Variants in ZBTB1 observed in about 807,000 individuals in gnomAD.
The protein encoded by ZBTB1 is zinc finger and BTB domain-containing protein 1.
Under a neutral mutation model 51.6 loss-of-function variants are expected in ZBTB1, and 13 were observed. That is an observed-to-expected ratio of 0.25 (90% confidence interval 0.16 to 0.40). ZBTB1 has a LOEUF of 0.40. Ranked by LOEUF, ZBTB1 falls within the 10% of genes least tolerant of loss-of-function variation. ZBTB1 has a pLI of 1.00. For missense variants in ZBTB1, 567 were observed against 856.5 expected, an observed-to-expected ratio of 0.66 and a Z score of 4.22; for synonymous variants, 240 against 282.2, an observed-to-expected ratio of 0.85 and a Z score of 1.50.
chr14:64,523,145 T>C lies in ZBTB1; in HGVS notation c.1641T>C (p.Asn547=). 1.2e-6 allele frequency: 2 copies of C among 1,614,190 alleles called. No homozygotes were observed. The highest frequency in any genetic ancestry group is 1.7e-6 in the Non-Finnish European group (2 of 1,180,028). Residue 547 remains asparagine (N), a synonymous_variant, in exon 2 of 2, where the codon AAT becomes AAC. Transcript: ENST00000683701. The surrounding 1 kb of genome is among the most constrained non-coding windows in gnomAD (Gnocchi z 4.5). ...PNCGQRFETE[N]LVVEHMSSCL... ...GTGGCCAGCGTTTTGAAACTGAAAATCTAGTGGTTGAACATATGTCTAGCT... is the reference window on the plus strand; with the variant it reads ...GTGGCCAGCGTTTTGAAACTGAAAACCTAGTGGTTGAACATATGTCTAGCT...
Position 64,523,201 on chromosome 14 carries a change from T to G in ZBTB1, c.1697T>G (p.Ile566Ser). The G allele has an allele frequency of 6.2e-7, 1 of 1,614,186 alleles. No homozygotes were observed. Among genetic ancestry groups the G allele is most frequent in the South Asian group, 1.1e-5 (1 of 91,080 alleles). ...CLDQDMFKSAIMEENERDHRR... is the reference protein window; with the variant it reads ...CLDQDMFKSASMEENERDHRR... ...GATCAAGATATGTTTAAGAGTGCCA[T>G]CATGGAAGAAAATGAAAGAGATCAC... is the stretch of plus-strand genomic sequence containing the variant. The change falls in exon 2 of 2, where the codon ATC becomes AGC. Residue 566 changes from isoleucine to serine, a missense_variant. This residue lies in a region of ZBTB1 where 329 missense variants were observed against 406.3 expected (regional missense o/e 0.81). Coordinates refer to ENST00000683701, the MANE Select transcript of ZBTB1 (RefSeq NM_001123329.2). This position sits in a 1 kb window ranked among gnomAD's most constrained non-coding sequence, Gnocchi z 4.5.
intron 1 of ZBTB1, among the ~76,000 whole-genome samples, chr14:64,509,017 TGTATAGGCTGTTTTGGCAGCACAGAAGAG>T (rs1323105077): frequency 6.6e-6 from 1 of 152,194 alleles, no homozygotes; most frequent in East Asian, 1.9e-4. Flanking sequence ...TATTGTTGTA[TGTATAGGCTGTTTTGGCAGCACAGAAGAG>T]GCATCTGCCT....
upstream of ZBTB1, chr14:64,504,159 C>G (rs1380295199): frequency 6.5e-6 from 1 of 152,710 alleles, no homozygotes; most frequent in Non-Finnish European, 1.5e-5. Flanking sequence ...GCCAGGGAGG[C>G]CGAGCCGCGG....
At chr14:64,520,437 C>T (rs1206571474) in intron 1 of ZBTB1, among the ~76,000 whole-genome samples, 1 of 152,172 alleles carries the variant, frequency 6.6e-6, no homozygotes, top group Non-Finnish European at 1.5e-5. Flanking sequence ...GCATCAGTCT[C>T]CCGAGTAGTT....
rs1034834331 is a variant in ZBTB1, at chr14:64,522,672, C to T, written c.1168C>T (p.Pro390Ser). 12 of 1,613,982 alleles carry T rather than the reference C, an allele frequency of 7.4e-6. No individual in the cohort carries two copies. The highest frequency in any genetic ancestry group is 1.7e-5 in the Admixed American group (1 of 60,000). Residue 390 changes from proline (P) to serine (S), a missense_variant, in exon 2 of 2, where the codon CCT (proline) becomes TCT (serine). This residue lies in a region of ZBTB1 where 329 missense variants were observed against 406.3 expected (regional missense o/e 0.81). Coordinates refer to ENST00000683701, the MANE Select transcript of ZBTB1 (RefSeq NM_001123329.2). ...AAAAAGTGGTAGGAAAACTCTAAAA[C>T]CTCGAATGTCAGTAAGTGCTGATGA... Reference protein sequence around the residue: ...IKKSGRKTLKPRMSVSADERG... With the variant: ...IKKSGRKTLKSRMSVSADERG...
chr14:64,524,209 C>A lies in ZBTB1; in HGVS notation c.*563C>A. 9 of 985,142 alleles carry A rather than the reference C, an allele frequency of 9.1e-6. No individual in the cohort carries two copies. Among genetic ancestry groups the A allele is most frequent in the Non-Finnish European group, 1.1e-5 (9 of 829,810 alleles). 61.0% of individuals were successfully genotyped at this position (985,142 alleles called of 1,614,324 possible). A position where few individuals can be genotyped will look rare whatever the true frequency, so the allele number is the denominator to read the frequency against. On this transcript the variant is annotated 3_prime_UTR_variant, in exon 2 of 2. Transcript: ENST00000683701. ...ATCTAACCTTTAAGGTTGACATGGG[C>A]TCAAACTTGGCCTAAAAAGATTGAT...
chr14:64,532,125 G>A, exon 3 of ZBTB1: 1 of 442,212 alleles, frequency 2.3e-6, no homozygotes, highest in Non-Finnish European at 4.0e-6. Context: ...TCTAATATTT[G>A]TGTAAATCTG....
intron 1 of ZBTB1, chr14:64,516,505 A>G (rs1212340176): frequency 1.3e-5 from 2 of 152,276 alleles, no homozygotes; most frequent in Non-Finnish European, 1.5e-5. Context: ...TTCAGCTTCC[A>G]GCTCTATAGG....
chr14:64,525,770 T>C (rs879774779), downstream of ZBTB1, among the ~76,000 whole-genome samples: 1 of 152,216 alleles, frequency 6.6e-6, no homozygotes, highest in Non-Finnish European at 1.5e-5. Context: ...TTTACATGAC[T>C]GAGATGTTTA....
chr14:64,517,781 A>ATATATATATATTTTTTTTTTT (rs1160337478), intron 1 of ZBTB1, among the ~76,000 whole-genome samples: 2 of 41,552 alleles, frequency 4.8e-5, no homozygotes, highest in Non-Finnish European at 9.2e-5. Context: ...ATATATATAT[A>ATATATATATATTTTTTTTTTT]TTTTTTTTTT....
chr14:64,517,782 T>TATATATATATATATATATATATA (rs1491377695), intron 1 of ZBTB1, among the ~76,000 whole-genome samples: 5 of 34,806 alleles, frequency 1.4e-4, no homozygotes, highest in Admixed American at 4.1e-4. Context: ...TATATATATA[T>TATATATATATATATATATATATA]TTTTTTTTTT....
intron 1 of ZBTB1, among the ~76,000 whole-genome samples, chr14:64,517,781 A>ATATATATATTTTTTT (rs1160337478): frequency 3.4e-4 from 14 of 41,556 alleles, no homozygotes; most frequent in Non-Finnish European, 4.6e-4. Context: ...ATATATATAT[A>ATATATATATTTTTTT]TTTTTTTTTT....
intron 1 of ZBTB1, chr14:64,511,290 A>G (rs774913348): frequency 6.6e-6 from 1 of 152,154 alleles, no homozygotes; most frequent in Admixed American, 6.5e-5. Flanking sequence ...TCTCGTTAGG[A>G]TGAATGGATT....
At position 64,521,875 on chromosome 14, in the gene ZBTB1, C is replaced by T; in HGVS notation, c.371C>T (p.Ser124Leu). The T allele has an allele frequency of 6.2e-7, 1 of 1,613,470 alleles. No homozygotes were observed. Among genetic ancestry groups the T allele is most frequent in the Non-Finnish European group, 8.5e-7 (1 of 1,180,044 alleles). Residue 124 changes from serine (S) to leucine (L), a missense_variant, in exon 2 of 2, where the codon TCA becomes TTA. Ser to Leu is a moderately radical substitution (Grantham distance 145). This residue lies in a region of ZBTB1 where 74 missense variants were observed against 74.9 expected (regional missense o/e 0.99). Transcript: ENST00000683701. ...EDIQDADCSS[S>L]KCSSSASSKQ... ...ATCCAGGATGCAGATTGTTCTAGTTCAAAATGTTCCTCTTCTGCTTCCAGC... is the reference window on the plus strand; with the variant it reads ...ATCCAGGATGCAGATTGTTCTAGTTTAAAATGTTCCTCTTCTGCTTCCAGC...
At chr14:64,519,588 A>G (rs1596696515) in intron 1 of ZBTB1, among the ~76,000 whole-genome samples, 1 of 150,292 alleles carries the variant, frequency 6.7e-6, no homozygotes, top group East Asian at 2.0e-4. Context: ...ACATAGCAAG[A>G]CCTTGTCTTT....
chr14:64,506,227 T>G (rs1416137557), intron 1 of ZBTB1, among the ~76,000 whole-genome samples: 1 of 152,002 alleles, frequency 6.6e-6, no homozygotes, highest in African/African-American at 2.4e-5. Flanking sequence ...AGGGGGTTCC[T>G]CCTCTTAAAG....
At chr14:64,515,687 AT>A (rs1165533754) in intron 1 of ZBTB1, among the ~76,000 whole-genome samples, 1 of 151,782 alleles carries the variant, frequency 6.6e-6, no homozygotes, top group Non-Finnish European at 1.5e-5. Flanking sequence ...CGCCCGGCTA[AT>A]TTTTTGTATT....
intron 1 of ZBTB1, among the ~76,000 whole-genome samples, chr14:64,518,986 C>T (rs2079828876): frequency 7.0e-6 from 1 of 142,222 alleles, no homozygotes; most frequent in Non-Finnish European, 1.5e-5. Context: ...AACTATGTGC[C>T]TGGCATCTCA....
intron 1 of ZBTB1, among the ~76,000 whole-genome samples, chr14:64,521,121 C>T (rs549263949): frequency 1.3e-5 from 2 of 152,304 alleles, no homozygotes; most frequent in Admixed American, 1.3e-4. Context: ...CCTCGGTCTC[C>T]CAAAGTGTTA....
Sources: allele counts gnomAD v4.1 joint callset (sites outside exome capture counted in the v4.1 genomes callset), GRCh38; gene constraint gnomAD v4.1.1; regional missense constraint gnomAD v4.1.1; non-coding constraint Gnocchi (gnomAD v3.1); transcripts MANE v1.5; gene names NCBI Gene and HGNC (gene_info 2026-07-23, HGNC 2026-07-21).